The following LRRC37A2 variants were observed in gnomAD, a reference collection of about 807,000 sequenced individuals.
LRRC37A2 encodes the protein leucine rich repeat containing 37 member A2, also known as leucine-rich repeat-containing protein 37A2.
Under a neutral mutation model 68.8 loss-of-function variants are expected in LRRC37A2, and 9 were observed. The observed-to-expected ratio is 0.13, with a 90% CI of 0.08 to 0.23. LRRC37A2 has a LOEUF of 0.23. Among genes scored for constraint, LRRC37A2 ranks in the 10% least tolerant of loss-of-function variants. The probability of loss-of-function intolerance (pLI) is 1.00; values close to 1 mark genes in which losing one functional copy is unlikely to be tolerated. For synonymous variants in LRRC37A2, 63 were observed against 367.6 expected (o/e 0.17, Z 9.48); for missense variants, 168 against 950.4 (o/e 0.18, Z 10.82).
At chr17:46,784,150 C>T in the LRRC37A2 span, among the ~76,000 whole-genome samples, 1 of 151,984 alleles carries the variant, frequency 6.6e-6, no homozygotes, top group Non-Finnish European at 1.5e-5. Flanking sequence ...CAGGAACAGA[C>T]AGGAAGCTGT....
intron 6 of LRRC37A2, among the ~76,000 whole-genome samples, chr17:46,532,236 T>C (rs901924584): frequency 1.1e-4 from 17 of 148,650 alleles, no homozygotes; most frequent in Non-Finnish European, 2.2e-4. Flanking sequence ...AAACAACAAT[T>C]GTAGTGAAAC....
the LRRC37A2 span, among the ~76,000 whole-genome samples, chr17:47,001,705 TTCTC>T: frequency 6.7e-6 from 1 of 149,266 alleles, no homozygotes; most frequent in African/African-American, 2.5e-5. Context: ...TTTCTTTCTC[TTCTC>T]TTTTTTCCTT....
chr17:46,834,560 C>G, the LRRC37A2 span, among the ~76,000 whole-genome samples: 20 of 152,278 alleles, frequency 1.3e-4, no homozygotes, highest in Middle Eastern at 6.8e-3. Context: ...ATCTCAAGAA[C>G]GGTCAACTCT....
At chr17:46,927,860 T>C in the LRRC37A2 span, among the ~76,000 whole-genome samples, 2 of 152,194 alleles carry the variant, frequency 1.3e-5, no homozygotes, top group Non-Finnish European at 2.9e-5. Flanking sequence ...CTTTTTATTA[T>C]GTCACTGTTC....
the LRRC37A2 span, among the ~76,000 whole-genome samples, chr17:47,022,168 C>CTTTTTTTTTTTTTTTTTTTTTT: frequency 3.0e-4 from 6 of 19,718 alleles, 1 homozygote; most frequent in Admixed American, 1.0e-3. Context: ...TTTTTGTTCT[C>CTTTTTTTTTTTTTTTTTTTTTT]TTTTTTTTTT....
the LRRC37A2 span, chr17:46,751,623 T>G: frequency 6.4e-7 from 1 of 1,571,396 alleles, no homozygotes; most frequent in Non-Finnish European, 8.8e-7. Context: ...ACAGGTAAGG[T>G]ACTTCGTTCT....
At chr17:46,386,011 CTT>C in the LRRC37A2 span, among the ~76,000 whole-genome samples, 1 of 108,844 alleles carries the variant, frequency 9.2e-6, no homozygotes, top group Admixed American at 9.1e-5. Flanking sequence ...AATTTTCAAA[CTT>C]TTAAGAAAGC....
chr17:46,721,998 G>C, the LRRC37A2 span: 2 of 1,607,216 alleles, frequency 1.2e-6, no homozygotes, highest in Non-Finnish European at 8.5e-7. Context: ...ATAGCTTTCC[G>C]ACCACCACCA....
the LRRC37A2 span, among the ~76,000 whole-genome samples, chr17:46,860,623 T>C: frequency 3.3e-5 from 5 of 152,346 alleles, no homozygotes; most frequent in South Asian, 1.0e-3. Flanking sequence ...AAATGCTATC[T>C]CTATATAAGG....
chr17:46,930,651 C>CTT, the LRRC37A2 span: 2 of 91,542 alleles, frequency 2.2e-5, no homozygotes, highest in East Asian at 3.3e-4. Context: ...TTCCTTTATG[C>CTT]TTTTTTTTTT....
chr17:46,759,949 C>G, the LRRC37A2 span, among the ~76,000 whole-genome samples: 17 of 152,202 alleles, frequency 1.1e-4, no homozygotes, highest in African/African-American at 4.1e-4. Flanking sequence ...TCAAGCACAG[C>G]TATCAACTGT....
chr17:46,952,159 T>C, the LRRC37A2 span, among the ~76,000 whole-genome samples: 1 of 152,184 alleles, frequency 6.6e-6, no homozygotes, highest in African/African-American at 2.4e-5. Context: ...CAGCATCTCG[T>C]CTTTGGACTA....
the LRRC37A2 span, among the ~76,000 whole-genome samples, chr17:46,493,737 C>T: frequency 1.3e-5 from 2 of 149,906 alleles, no homozygotes; most frequent in Admixed American, 6.6e-5. Flanking sequence ...CGGGGTTTCA[C>T]CATGTTAGCC....
the LRRC37A2 span, among the ~76,000 whole-genome samples, chr17:47,007,529 G>C: frequency 6.6e-6 from 1 of 152,128 alleles, no homozygotes; most frequent in Non-Finnish European, 1.5e-5. Context: ...ACTGCTATTG[G>C]AATTATTTCT....
the LRRC37A2 span, among the ~76,000 whole-genome samples, chr17:47,043,738 T>C: frequency 3.5e-5 from 5 of 141,882 alleles, no homozygotes; most frequent in African/African-American, 1.3e-4. Flanking sequence ...TTTAAAAACT[T>C]TATAAAGATA....
chr17:46,869,062 T>G, the LRRC37A2 span, among the ~76,000 whole-genome samples: 1 of 152,248 alleles, frequency 6.6e-6, no homozygotes, highest in African/African-American at 2.4e-5. Flanking sequence ...CCAGGCTGTC[T>G]TCATGGGCCC....
rs748172936 is a variant in LRRC37A2 at position 46,548,948 on chromosome 17, A to G, written c.3809A>G (p.Asp1270Gly). The G allele has an allele frequency of 3.4e-5, 55 of 1,612,350 alleles. 1 individual carries two copies. The highest frequency in any genetic ancestry group is 4.5e-5 in the East Asian group (2 of 44,716). ...GCAAAAGCCCTACCACAGGTGAGAG[A>G]CAGATGGAAAGACTTAACCCACGCT... Residue 1270 changes from aspartate (D) to glycine (G), a missense_variant, in exon 10 of 15, where the codon GAC becomes GGC. Transcript: ENST00000576629.
chr17:46,874,976 C>T, the LRRC37A2 span: 1 of 1,455,182 alleles, frequency 6.9e-7, no homozygotes, highest in Non-Finnish European at 9.6e-7. Flanking sequence ...ATTCTCTTGT[C>T]CTGCCCATCA....
At chr17:47,009,312 A>G in the LRRC37A2 span, among the ~76,000 whole-genome samples, 1 of 152,162 alleles carries the variant, frequency 6.6e-6, no homozygotes, top group Non-Finnish European at 1.5e-5. Flanking sequence ...TAACTTGCAA[A>G]TATTTAGACA....
Sources: gnomAD v4.1 joint callset for allele counts (sites outside exome capture counted in the v4.1 genomes callset) on GRCh38, gnomAD v4.1.1 for gene constraint, MANE v1.5 for transcripts, NCBI Gene and HGNC (gene_info 2026-07-23, HGNC 2026-07-21) for gene names.